Variants in IGSF5 observed in about 807,000 individuals in gnomAD.
IGSF5 encodes the protein immunoglobulin superfamily 5 like.
Under a neutral mutation model 39.4 loss-of-function variants are expected in IGSF5, and 41 were observed. The ratio of observed to expected loss-of-function variants is 1.04; its 90% CI spans 0.81 to 1.35. The LOEUF is 1.35. Ranked by LOEUF, IGSF5 falls within the 40% of genes most tolerant of loss-of-function variation. IGSF5 has a pLI of 0.00. For missense variants in IGSF5, 487 were observed against 494.6 expected (o/e 0.98, Z 0.15); for synonymous variants, 183 against 175.3 (o/e 1.04, Z -0.34).
chr21:39,758,480 A>C (rs371591268), intron 2 of IGSF5, among the ~76,000 whole-genome samples: 99 of 152,246 alleles, frequency 6.5e-4, no homozygotes, highest in African/African-American at 2.1e-3. Context: ...GCTTCGAGGA[A>C]GACCTGACTC....
At chr21:39,758,371 G>A (rs924545286) in intron 2 of IGSF5, among the ~76,000 whole-genome samples, 1 of 152,138 alleles carries the variant, frequency 6.6e-6, no homozygotes, top group Non-Finnish European at 1.5e-5. Context: ...GGCCATCACT[G>A]TCCTGGGAGT....
the IGSF5 span, chr21:39,726,015 G>A: frequency 6.6e-6 from 1 of 152,250 alleles, no homozygotes; most frequent in East Asian, 1.9e-4. Flanking sequence ...GTCTCAGAGA[G>A]TGGTTGATGT....
At chr21:39,784,846 G>T (rs2080189865) in intron 5 of IGSF5, among the ~76,000 whole-genome samples, 1 of 152,136 alleles carries the variant, frequency 6.6e-6, no homozygotes, top group Non-Finnish European at 1.5e-5. Context: ...GTTCTCTGCT[G>T]CTATCCAGAG....
At chr21:39,794,208 A>T (rs465343) in intron 8 of IGSF5, among the ~76,000 whole-genome samples, 61,501 of 152,090 alleles carry the variant, frequency 0.4, 13,354 homozygotes, top group Non-Finnish European at 0.51. Flanking sequence ...CAGAACGGCT[A>T]AGAGGCTGGA....
chr21:39,787,552 G>GTTTTTTTTTTTTTTTTT (rs33925299), intron 5 of IGSF5, among the ~76,000 whole-genome samples: 2 of 119,908 alleles, frequency 1.7e-5, no homozygotes, highest in Non-Finnish European at 1.7e-5. Flanking sequence ...TAATGACAGT[G>GTTTTTTTTTTTTTTTTT]TTTTTTTTTT....
the IGSF5 span, among the ~76,000 whole-genome samples, chr21:39,738,602 A>G: frequency 6.6e-6 from 1 of 152,134 alleles, no homozygotes; most frequent in African/African-American, 2.4e-5. This position sits in a 1 kb window ranked among gnomAD's most constrained non-coding sequence, Gnocchi z 6.4. Context: ...AAGTGGTTCG[A>G]TTTGGGAGCT....
chr21:39,728,640 C>G, the IGSF5 span, among the ~76,000 whole-genome samples: 1 of 152,184 alleles, frequency 6.6e-6, no homozygotes, highest in African/African-American at 2.4e-5. Flanking sequence ...CTCCAATAAA[C>G]TGCCTGGTCA....
intron 2 of IGSF5, among the ~76,000 whole-genome samples, chr21:39,759,581 G>A (rs966129959): frequency 6.6e-6 from 1 of 152,082 alleles, no homozygotes. Context: ...AAAAAGCTGA[G>A]GCAGGCTGGG....
upstream of IGSF5, among the ~76,000 whole-genome samples, chr21:39,743,151 C>T (rs929732078): frequency 6.6e-6 from 1 of 152,198 alleles, no homozygotes; most frequent in African/African-American, 2.4e-5. Flanking sequence ...GCACCAATCT[C>T]CATGTTCTGA....
At chr21:39,766,759 T>C (rs2080089512) in intron 3 of IGSF5, among the ~76,000 whole-genome samples, 1 of 152,200 alleles carries the variant, frequency 6.6e-6, no homozygotes, top group Non-Finnish European at 1.5e-5. Context: ...AGTGTATTTA[T>C]ACTCTATTTA....
chr21:39,746,246 G>A lies in IGSF5; in HGVS notation c.48G>A (p.Glu16=), dbSNP rs1480063302. 2 of 701,794 alleles carry A rather than the reference G, an allele frequency of 2.8e-6. No homozygotes were observed. Among genetic ancestry groups the A allele is most frequent in the South Asian group, 3.0e-5 (2 of 67,508 alleles). The allele number at this position is 701,794 out of a possible 1,614,324, so 43.5% of individuals were successfully genotyped here. A position where few individuals can be genotyped will look rare whatever the true frequency, so the allele number is the denominator to read the frequency against. Residue 16 remains glutamate (E), a synonymous_variant, in exon 2 of 9, where the codon GAG becomes GAA. Transcript: ENST00000380588. ...RSTADTLPDL[E]EWKSAAGLRW... ...CAGCAGATACTCTGCCGGATCTGGAGGAATGGAAGTCAGCGGCGGGTCTGC... is the reference window on the plus strand; with the variant it reads ...CAGCAGATACTCTGCCGGATCTGGAAGAATGGAAGTCAGCGGCGGGTCTGC...
At chr21:39,766,830 A>G (rs1289455571) in intron 3 of IGSF5, among the ~76,000 whole-genome samples, 1 of 152,140 alleles carries the variant, frequency 6.6e-6, no homozygotes, top group East Asian at 1.9e-4. Context: ...ATTATATCTT[A>G]TAAATTATTT....
chr21:39,765,816 A>G lies in IGSF5; in HGVS notation c.382A>G (p.Ser128Gly). ...GAACATCAGATGCAGCCTCCAGAAC[A>G]GTCGCCTGCATGGATCTGCTTACCT... ...SGNIRCSLQN[S>G]RLHGSAYLTV... Residue 128 changes from serine (S) to glycine (G), a missense_variant, in exon 3 of 9, where the codon AGT becomes GGT. By Grantham distance (56) the Ser-to-Gly change is moderately conservative. Coordinates refer to ENST00000380588, the MANE Select transcript of IGSF5 (RefSeq NM_001080444.2). The G allele has an allele frequency of 6.2e-7, 1 of 1,613,866 alleles. No individual in the cohort carries two copies. Among genetic ancestry groups the G allele is most frequent in the African/African-American group, 1.3e-5 (1 of 75,056 alleles).
the IGSF5 span, among the ~76,000 whole-genome samples, chr21:39,719,694 A>G: frequency 6.6e-6 from 1 of 152,084 alleles, no homozygotes; most frequent in Non-Finnish European, 1.5e-5. Flanking sequence ...ACATCACACC[A>G]CTCTCACTAA....
rs775631031 is a variant in IGSF5 at position 39,771,057 on chromosome 21, A to G, written c.560A>G (p.Tyr187Cys). 19 of 1,613,528 alleles carry G rather than the reference A, an allele frequency of 1.2e-5. No homozygotes were observed. The highest frequency in any genetic ancestry group is 1.4e-5 in the Non-Finnish European group (17 of 1,179,860). ...GGTCTCCTGGTCAGCCATTCAAGCT[A>G]TTATTTTGTTCCGGAGCCCAGCGAC... Reference protein sequence around the residue: ...ELGLLVSHSSYYFVPEPSDLQ... With the variant: ...ELGLLVSHSSCYFVPEPSDLQ... Residue 187 changes from tyrosine to cysteine, a missense_variant, in exon 4 of 9, where the codon TAT (tyrosine) becomes TGT (cysteine). Coordinates refer to ENST00000380588, the MANE Select transcript of IGSF5 (RefSeq NM_001080444.2).
At chr21:39,766,495 C>T (rs1017431280) in intron 3 of IGSF5, among the ~76,000 whole-genome samples, 1 of 152,154 alleles carries the variant, frequency 6.6e-6, no homozygotes, top group African/African-American at 2.4e-5. Flanking sequence ...GCAGAATCCC[C>T]CCAACTTATT....
intron 5 of IGSF5, among the ~76,000 whole-genome samples, chr21:39,785,036 C>T (rs1160867536): frequency 7.3e-6 from 1 of 136,334 alleles, no homozygotes; most frequent in Non-Finnish European, 1.6e-5. Context: ...ACATTGTTCC[C>T]TTTTCTTTTT....
In IGSF5 at chr21:39,770,813, T is replaced by C. The variant is rs574869390; in HGVS notation, c.419-103T>C. On this transcript the variant is annotated intron_variant, in intron 3 of 8. Transcript: ENST00000380588. ...TTGGGAAAATAGGTCTCACAAAATG[T>C]AATTTGAAGCAAAACTTAAAAAAAA... 8.8e-5 allele frequency: 76 copies of C among 865,346 alleles called. No individual in the cohort carries two copies. In the East Asian group the frequency reaches 2.2e-3, roughly 25 times the overall value. 53.6% of individuals were successfully genotyped at this position (865,346 alleles called of 1,614,324 possible). A position where few individuals can be genotyped will look rare whatever the true frequency, so the allele number is the denominator to read the frequency against.
chr21:39,714,246 C>A, the IGSF5 span, among the ~76,000 whole-genome samples: 2 of 152,208 alleles, frequency 1.3e-5, no homozygotes, highest in Admixed American at 1.3e-4. Flanking sequence ...TCACTTTCAC[C>A]TTCTAAGATG....
Sources: allele counts gnomAD v4.1 joint callset (sites outside exome capture counted in the v4.1 genomes callset), GRCh38; gene constraint gnomAD v4.1.1; non-coding constraint Gnocchi (gnomAD v3.1); transcripts MANE v1.5; gene names NCBI Gene and HGNC (gene_info 2026-07-23, HGNC 2026-07-21).